Variants in FBXW4 observed in about 807,000 individuals in gnomAD.
The protein encoded by FBXW4 is F-box/WD repeat-containing protein 4.
In FBXW4, 40 loss-of-function variants were observed where a neutral mutation model predicts 61.8. The observed-to-expected ratio is 0.65, with a 90% CI of 0.50 to 0.84. FBXW4 has a LOEUF of 0.84. Among genes scored for constraint, FBXW4 ranks in the 40% least tolerant of loss-of-function variants. The probability of loss-of-function intolerance (pLI) is 0.00; values close to 1 mark genes in which losing one functional copy is unlikely to be tolerated. For missense variants in FBXW4, 672 were observed against 753.8 expected (o/e 0.89, Z 1.27); for synonymous variants, 311 against 313.8 (o/e 0.99, Z 0.10).
chr10:101,632,788 T>C (rs749379807), intron 5 of FBXW4, among the ~76,000 whole-genome samples: 1 of 152,122 alleles, frequency 6.6e-6, no homozygotes, highest in Non-Finnish European at 1.5e-5. Flanking sequence ...GGTGTCCCTG[T>C]ACTAAAGCAA....
chr10:101,682,752 C>T (rs1467722437), intron 1 of FBXW4, among the ~76,000 whole-genome samples: 1 of 151,964 alleles, frequency 6.6e-6, no homozygotes, highest in Non-Finnish European at 1.5e-5. Context: ...TTAGAAGCTG[C>T]TACCAAACAG....
intron 5 of FBXW4, among the ~76,000 whole-genome samples, chr10:101,640,112 C>T (rs1358552611): frequency 2.6e-5 from 4 of 152,156 alleles, no homozygotes; most frequent in Admixed American, 6.5e-5. Flanking sequence ...AAAATTAATA[C>T]CTGGTAGGTC....
At chr10:101,648,677 G>A (rs2064120918) in intron 5 of FBXW4, among the ~76,000 whole-genome samples, 1 of 152,158 alleles carries the variant, frequency 6.6e-6, no homozygotes, top group South Asian at 2.1e-4. Context: ...CCCGGCCCAT[G>A]AGGAGAAGAT....
chr10:101,615,795 C>T (rs748855047), intron 6 of FBXW4, among the ~76,000 whole-genome samples: 3 of 152,180 alleles, frequency 2.0e-5, no homozygotes, highest in Non-Finnish European at 2.9e-5. Flanking sequence ...AGGGACAGGC[C>T]CTGAGTGCTA....
Position 101,673,494 on chromosome 10 carries a change from G to C in FBXW4, c.1001C>G (p.Ala334Gly). The change falls in exon 3 of 9, where the codon GCA becomes GGA. Residue 334 changes from alanine to glycine, a missense_variant. By Grantham distance (60) the Ala-to-Gly change is moderately conservative (BLOSUM62 0). This residue lies in a region of FBXW4 where 312 missense variants were observed against 370.1 expected (regional missense o/e 0.84). Coordinates refer to ENST00000331272, the MANE Select transcript of FBXW4 (RefSeq NM_022039.4). ...FVLANSHIVS[A>G]GGDGKIGIHK... ...AGAAACCTATAGCACTTACCCTCCT[G>C]CACTAACAATATGCGAGTTGGCCAG... 1 of 1,613,900 alleles carries C rather than the reference G, an allele frequency of 6.2e-7. No homozygotes were observed. The highest frequency in any genetic ancestry group is 8.5e-7 in the Non-Finnish European group (1 of 1,179,834).
At chr10:101,627,183 G>T (rs574245090) in intron 5 of FBXW4, among the ~76,000 whole-genome samples, 1 of 151,716 alleles carries the variant, frequency 6.6e-6, no homozygotes, top group African/African-American at 2.4e-5. Context: ...AACCACTGGC[G>T]CTCAGCCTCC....
intron 6 of FBXW4, among the ~76,000 whole-genome samples, chr10:101,612,695 TCCCAGCCCTCAGCAG>T (rs1321092390): frequency 1.5e-5 from 2 of 134,882 alleles, no homozygotes; most frequent in East Asian, 4.3e-4. Context: ...TCCCCCAGCA[TCCCAGCCCTCAGCAG>T]CCCCTCCATC....
chr10:101,620,113 G>A (rs888637568), intron 6 of FBXW4, among the ~76,000 whole-genome samples: 2 of 151,990 alleles, frequency 1.3e-5, no homozygotes, highest in African/African-American at 2.4e-5. Flanking sequence ...AAATCCAGGC[G>A]CTCCTCAAGT....
chr10:101,668,407 A>T (rs1250910089), intron 4 of FBXW4, among the ~76,000 whole-genome samples: 1 of 152,212 alleles, frequency 6.6e-6, no homozygotes, highest in Non-Finnish European at 1.5e-5. Flanking sequence ...ATCAAGGCAT[A>T]GTATAGGGGG....
chr10:101,619,872 G>A (rs2063854805), intron 6 of FBXW4, among the ~76,000 whole-genome samples: 2 of 152,194 alleles, frequency 1.3e-5, no homozygotes, highest in East Asian at 1.9e-4. Context: ...CCTGAAAGGG[G>A]TCCAGGTTCT....
chr10:101,638,488 CAAA>C (rs781303866), intron 5 of FBXW4, among the ~76,000 whole-genome samples: 2 of 79,598 alleles, frequency 2.5e-5, no homozygotes, highest in Admixed American at 1.4e-4. Flanking sequence ...GGATGTCCTG[CAAA>C]AAAAAAAAAA....
At chr10:101,651,508 ACAAT>A (rs1444433643) in intron 5 of FBXW4, among the ~76,000 whole-genome samples, 2 of 152,182 alleles carry the variant, frequency 1.3e-5, no homozygotes, top group Admixed American at 1.3e-4. Flanking sequence ...GGTTTATCAA[ACAAT>A]CATTTTTTTC....
intron 6 of FBXW4, among the ~76,000 whole-genome samples, chr10:101,619,076 G>A (rs1050782475): frequency 3.9e-5 from 6 of 152,138 alleles, no homozygotes; most frequent in Admixed American, 1.3e-4. Flanking sequence ...CACAAGATGA[G>A]CCTTGATTCC....
In FBXW4 at chr10:101,655,791, G is replaced by A. The variant is rs138222419; in HGVS notation, c.1235+12095C>T. 1.3e-4 allele frequency among the ~76,000 whole-genome samples: 20 copies of A among 152,352 alleles called. No individual in the cohort carries two copies. The East Asian group carries it at 3.7e-3, about 28-fold the overall frequency. On this transcript the variant is annotated intron_variant, in intron 5 of 8. Coordinates refer to ENST00000331272, the MANE Select transcript of FBXW4 (RefSeq NM_022039.4). ...TCCAGCCCGGAAGGGCCATGATGCC[G>A]TAAGTCTGGGATGAGGAGCATGTGC... is the stretch of plus-strand genomic sequence containing the variant.
At chr10:101,629,299 T>C (rs2063932100) in intron 5 of FBXW4, among the ~76,000 whole-genome samples, 1 of 152,102 alleles carries the variant, frequency 6.6e-6, no homozygotes, top group Non-Finnish European at 1.5e-5. Context: ...CCCTTTTTTT[T>C]TTTGAGACAG....
intron 2 of FBXW4, among the ~76,000 whole-genome samples, chr10:101,674,474 G>A (rs1303202558): frequency 1.3e-5 from 2 of 152,196 alleles, no homozygotes; most frequent in Non-Finnish European, 2.9e-5. Flanking sequence ...ATCAGTTAAG[G>A]TGTGATGGAG....
At chr10:101,623,998 G>A (rs977221056) in intron 6 of FBXW4, among the ~76,000 whole-genome samples, 1 of 152,038 alleles carries the variant, frequency 6.6e-6, no homozygotes, top group Non-Finnish European at 1.5e-5. Context: ...TGTGCTGATG[G>A]AACAAACAGT....
intron 5 of FBXW4, among the ~76,000 whole-genome samples, chr10:101,651,228 G>A (rs1051009322): frequency 6.6e-6 from 1 of 152,174 alleles, no homozygotes; most frequent in African/African-American, 2.4e-5. Flanking sequence ...GAAGGGGCCC[G>A]CCAAACACCC....
chr10:101,677,327 T>A (rs552421503), intron 1 of FBXW4, among the ~76,000 whole-genome samples: 1 of 152,232 alleles, frequency 6.6e-6, no homozygotes, highest in African/African-American at 2.4e-5. Context: ...TATAATGGAA[T>A]ACTACTCAGC....
Sources: gnomAD v4.1 joint callset for allele counts (sites outside exome capture counted in the v4.1 genomes callset) on GRCh38, gnomAD v4.1.1 for gene constraint, gnomAD v4.1.1 regional missense constraint, MANE v1.5 for transcripts, NCBI Gene and HGNC (gene_info 2026-07-23, HGNC 2026-07-21) for gene names.